The following RMDN2 variants were observed in gnomAD, a reference collection of about 807,000 sequenced individuals.
The protein encoded by RMDN2 is regulator of microtubule dynamics protein 2.
Under a neutral mutation model 52.8 loss-of-function variants are expected in RMDN2, and 61 were observed. The ratio of observed to expected loss-of-function variants is 1.16; its 90% CI spans 0.94 to 1.43. RMDN2 has a LOEUF of 1.43. Among genes scored for constraint, RMDN2 ranks in the 40% most tolerant of loss-of-function variants. RMDN2 has a pLI of 0.00. For synonymous variants in RMDN2, 180 were observed against 153.1 expected (o/e 1.18, Z -1.30); for missense variants, 592 against 475.3 (o/e 1.25, Z -2.28).
intron 5 of RMDN2, among the ~76,000 whole-genome samples, chr2:37,981,880 CATT>C (rs902747526): frequency 4.6e-4 from 70 of 151,674 alleles, no homozygotes; most frequent in African/African-American, 1.5e-3. Flanking sequence ...TTTATGTAAA[CATT>C]ATTTTATAAA....
At chr2:37,969,299 G>A (rs1045806548) in intron 2 of RMDN2, among the ~76,000 whole-genome samples, 1 of 151,866 alleles carries the variant, frequency 6.6e-6, no homozygotes, top group Non-Finnish European at 1.5e-5. Context: ...ATAAATTAAT[G>A]TGGAGCCTTA....
Position 37,929,649 on chromosome 2 carries a change from C to T in RMDN2, c.372C>T (p.His124=), listed in dbSNP as rs897109491. 3.9e-6 allele frequency: 6 copies of T among 1,547,482 alleles called. No individual in the cohort carries two copies. The highest frequency in any genetic ancestry group is 5.2e-6 in the Non-Finnish European group (6 of 1,146,064). The change falls in exon 2 of 11, where the codon CAC becomes CAT. Residue 124 remains histidine, a synonymous_variant. Coordinates refer to ENST00000354545, the MANE Select transcript of RMDN2 (RefSeq NM_001170791.3). The part of the protein sequence containing the change: ...KITVHKISPQ[H]RARKRRLPTI... ...CTGTTCATAAGATAAGCCCTCAGCA[C>T]AGAGCGAGAAAAAGAAGACTCCCCA...
chr2:38,052,029 T>TC, intron 10 of RMDN2, among the ~76,000 whole-genome samples: 1 of 152,354 alleles, frequency 6.6e-6, no homozygotes, highest in South Asian at 2.1e-4. Flanking sequence ...TTTGGATAAA[T>TC]ACCCAGTGGT....
chr2:38,066,212 G>C (rs1403953440), intron 10 of RMDN2, among the ~76,000 whole-genome samples: 1 of 152,132 alleles, frequency 6.6e-6, no homozygotes, highest in East Asian at 1.9e-4. Context: ...AAAATTGTAA[G>C]TGCTCAACAT....
intron 1 of RMDN2, 189 bp from the exon 2 acceptor site, chr2:37,929,073 T>C: frequency 2.2e-6 from 1 of 462,344 alleles, no homozygotes; most frequent in Non-Finnish European, 3.9e-6. Context: ...ATGATAATTC[T>C]TCATTGTAAT....
intron 10 of RMDN2, among the ~76,000 whole-genome samples, chr2:38,015,005 T>C (rs1284069085): frequency 6.6e-6 from 1 of 152,216 alleles, no homozygotes; most frequent in Non-Finnish European, 1.5e-5. Context: ...TCTAAGGAAA[T>C]TAGAATTTAA....
intron 2 of RMDN2, among the ~76,000 whole-genome samples, chr2:37,947,613 GTCC>G (rs1196390773): frequency 1.3e-5 from 2 of 152,104 alleles, no homozygotes; most frequent in African/African-American, 4.8e-5. Context: ...TGCTGTTACT[GTCC>G]ACAATCAGGC....
At chr2:37,981,085 C>G (rs1673250562) in intron 4 of RMDN2, among the ~76,000 whole-genome samples, 198 bp from the exon 5 acceptor site, 1 of 152,228 alleles carries the variant, frequency 6.6e-6, no homozygotes, top group Admixed American at 6.5e-5. Flanking sequence ...CATTAAACCA[C>G]AGATTATTGG....
At chr2:37,933,031 C>T (rs1369881762) in intron 2 of RMDN2, among the ~76,000 whole-genome samples, 6 of 150,946 alleles carry the variant, frequency 4.0e-5, no homozygotes, top group Non-Finnish European at 5.9e-5. Flanking sequence ...GGGCGGCTGC[C>T]GGGCGGAGGG....
chr2:37,945,882 C>T (rs1449127015), intron 2 of RMDN2, among the ~76,000 whole-genome samples: 1 of 152,098 alleles, frequency 6.6e-6, no homozygotes, highest in African/African-American at 2.4e-5. Context: ...TACACGGTGT[C>T]AGAATGCTCT....
Position 37,997,514 on chromosome 2 carries a change from G to A in RMDN2, c.1044G>A (p.Lys348=). 6.3e-7 allele frequency: 1 copy of A among 1,588,288 alleles called. No individual in the cohort carries two copies. The highest frequency in any genetic ancestry group is 8.6e-7 in the Non-Finnish European group (1 of 1,156,784). ...TVQEALHNFL[K]AEELCPGYSN... Reference sequence around the variant, plus strand: ...AAGAAGCTTTACACAATTTCCTTAAGGTACATTTTGTGTATCCATTATTTT... The same window carrying A: ...AAGAAGCTTTACACAATTTCCTTAAAGTACATTTTGTGTATCCATTATTTT... The change falls in exon 8 of 11, where the codon AAG becomes AAA. Residue 348 remains lysine, a splice_region_variant and synonymous_variant. Coordinates refer to ENST00000354545, the MANE Select transcript of RMDN2 (RefSeq NM_001170791.3).
At chr2:37,949,491 G>C (rs1488673719) in intron 2 of RMDN2, among the ~76,000 whole-genome samples, 1 of 152,138 alleles carries the variant, frequency 6.6e-6, no homozygotes, top group African/African-American at 2.4e-5. Context: ...GCTTTGCTAT[G>C]CTGTAAGTAA....
At chr2:37,938,882 G>T (rs1287456293) in intron 2 of RMDN2, among the ~76,000 whole-genome samples, 3 of 151,748 alleles carry the variant, frequency 2.0e-5, no homozygotes, top group Non-Finnish European at 4.4e-5. Context: ...AGAGTTTTTT[G>T]ATCTCTATCT....
At position 37,928,632 on chromosome 2, in the gene RMDN2, T is replaced by A. The variant is rs371397133; in HGVS notation, c.-16-630T>A. The A allele has an allele frequency of 3.9e-5, 6 of 152,388 alleles. No homozygotes were observed. In the East Asian group the frequency reaches 1.2e-3, roughly 29 times the overall value. 9.4% of individuals were successfully genotyped at this position (152,388 alleles called of 1,614,324 possible). ...CCACCTATTTAAATCTCTGCTCACA[T>A]AATCTGCCTTTTATGACTATGAATG... On this transcript the variant is annotated intron_variant, in intron 1 of 10. Coordinates refer to ENST00000354545, the MANE Select transcript of RMDN2 (RefSeq NM_001170791.3).
intron 10 of RMDN2, 40 bp from the exon 11 acceptor site, chr2:38,017,146 A>G (rs1306753459): frequency 1.6e-6 from 2 of 1,274,528 alleles, no homozygotes; most frequent in Non-Finnish European, 2.2e-6. Context: ...ATCAAGATGA[A>G]TGCATGAAAT....
chr2:37,959,618 T>C (rs1304908858), intron 2 of RMDN2, among the ~76,000 whole-genome samples: 3 of 150,950 alleles, frequency 2.0e-5, no homozygotes, highest in Non-Finnish European at 2.9e-5. Context: ...TTCATTGATA[T>C]TTTTGAAGGG....
chr2:37,930,936 G>C (rs943318158), intron 2 of RMDN2, among the ~76,000 whole-genome samples: 9 of 152,204 alleles, frequency 5.9e-5, no homozygotes, highest in Non-Finnish European at 1.3e-4. Flanking sequence ...GTCTGTCTCT[G>C]GCAGGGCAGA....
chr2:38,044,417 C>T (rs1199949237), intron 10 of RMDN2, among the ~76,000 whole-genome samples: 2 of 151,978 alleles, frequency 1.3e-5, no homozygotes, highest in African/African-American at 2.4e-5. Context: ...GATTCAGTAT[C>T]TGTCATTATT....
chr2:37,952,507 G>C, intron 2 of RMDN2: 1 of 437,118 alleles, frequency 2.3e-6, no homozygotes. Context: ...TTTGTGGTCT[G>C]AAAATAACAT....
Sources: allele counts gnomAD v4.1 joint callset (sites outside exome capture counted in the v4.1 genomes callset), GRCh38; gene constraint gnomAD v4.1.1; transcripts MANE v1.5; gene names NCBI Gene and HGNC (gene_info 2026-07-23, HGNC 2026-07-21).